The following FBXL19 variants were observed in gnomAD, a reference collection of about 807,000 sequenced individuals.
The protein encoded by FBXL19 is F-box and leucine rich repeat protein 19, also known as F-box/LRR-repeat protein 19.
A neutral mutation model predicts 71.2 loss-of-function variants in FBXL19; 16 were observed. The observed-to-expected ratio is 0.22, with a 90% CI of 0.15 to 0.34. FBXL19 has a LOEUF of 0.34. FBXL19 is among the 10% of genes least tolerant of loss of function. The pLI, the probability that FBXL19 is intolerant of heterozygous loss-of-function variation, is 1.00. For synonymous variants in FBXL19, 447 were observed against 409.4 expected, an observed-to-expected ratio of 1.09 and a Z score of -1.11; for missense variants, 658 against 968.2, an observed-to-expected ratio of 0.68 and a Z score of 4.25.
At chr16:30,935,355 G>A (rs1378742847) in intron 7 of FBXL19, among the ~76,000 whole-genome samples, 1 of 152,224 alleles carries the variant, frequency 6.6e-6, no homozygotes, top group Non-Finnish European at 1.5e-5. Flanking sequence ...GGAGAGGCGT[G>A]TGTAGGGGAC....
chr16:30,927,547 C>T (rs1238023232), intron 3 of FBXL19, 26 bp from the exon 4 acceptor site: 1 of 1,554,760 alleles, frequency 6.4e-7, no homozygotes, highest in Non-Finnish European at 8.7e-7. Flanking sequence ...TGGCCAACCC[C>T]CCACTCACTG....
intron 7 of FBXL19, among the ~76,000 whole-genome samples, chr16:30,937,575 T>A (rs532673188): frequency 1.3e-5 from 2 of 152,120 alleles, no homozygotes; most frequent in South Asian, 4.1e-4. Flanking sequence ...TTAACCCCAG[T>A]GTCCTGGTTG....
intron 7 of FBXL19, among the ~76,000 whole-genome samples, chr16:30,935,255 C>T (rs559785790): frequency 7.2e-5 from 11 of 152,090 alleles, no homozygotes; most frequent in African/African-American, 1.9e-4. Context: ...TGGCACCTGG[C>T]GGACAGTGGG....
At position 30,925,630 on chromosome 16, in the gene FBXL19, G is replaced by A. The variant is rs887533897; in HGVS notation, c.-24-101G>A. On this transcript the variant is annotated intron_variant, in intron 1 of 10. Coordinates refer to ENST00000338343, the MANE Select transcript of FBXL19 (RefSeq NM_001382779.1). This position sits in a 1 kb window ranked among gnomAD's most constrained non-coding sequence, Gnocchi z 5.0. ...GTGACCTCCTTGTCCCCCTGAGGAA[G>A]AGGGCAGGCTCTAGCTGCCTGTAGG... 3 of 1,270,196 alleles carry A rather than the reference G, an allele frequency of 2.4e-6. No homozygotes were observed. In the African/African-American group the frequency reaches 4.8e-5, roughly 20 times the overall value. The allele number at this position is 1,270,196 out of a possible 1,614,324, so 78.7% of individuals were successfully genotyped here.
chr16:30,939,861 G>T (rs1294388751), intron 7 of FBXL19, among the ~76,000 whole-genome samples: 1 of 152,092 alleles, frequency 6.6e-6, no homozygotes, highest in Non-Finnish European at 1.5e-5. Flanking sequence ...AGTCATGAGG[G>T]CAGGGAGGGA....
Position 30,947,185 on chromosome 16 carries a change from C to A in FBXL19, c.1980C>A (p.Gly660=). 1.3e-6 allele frequency: 2 copies of A among 1,599,020 alleles called. No individual in the cohort carries two copies. Among genetic ancestry groups the A allele is most frequent in the Non-Finnish European group, 1.7e-6 (2 of 1,179,356 alleles). ...GGCTGGCAGCTGCCGGGCCCCCTGG[C>A]CCCTTCCGCTGCCCTGAGGAGAAGC... The part of the protein sequence containing the change: ...CARLAAAGPP[G]PFRCPEEKLL... The change falls in exon 11 of 11, where the codon GGC becomes GGA. Residue 660 remains glycine, a synonymous_variant. Coordinates refer to ENST00000338343, the MANE Select transcript of FBXL19 (RefSeq NM_001382779.1).
intron 5 of FBXL19, among the ~76,000 whole-genome samples, 183 bp downstream of exon 5, chr16:30,928,146 G>T (rs1194250372): frequency 6.6e-6 from 1 of 151,730 alleles, no homozygotes; most frequent in Non-Finnish European, 1.5e-5. Context: ...TGGAGGAGGG[G>T]GGGGACAGGT....
chr16:30,930,288 G>T lies in FBXL19; in HGVS notation c.1005G>T (p.Arg335=). The change falls in exon 7 of 11, where the codon CGG becomes CGT. Residue 335 remains arginine, a synonymous_variant. Coordinates refer to ENST00000338343, the MANE Select transcript of FBXL19 (RefSeq NM_001382779.1). The surrounding 1 kb of genome is among the most constrained non-coding windows in gnomAD (Gnocchi z 8.5). ...EAPGEARNGR[R]PARGSSGEKE... ...CCGGCGAGGCCCGGAATGGGCGACG[G>T]CCAGCCCGGGGCAGCTCTGGCGAGA... The T allele has an allele frequency of 4.3e-6, 7 of 1,612,100 alleles. No individual in the cohort carries two copies. The highest frequency in any genetic ancestry group is 5.9e-6 in the Non-Finnish European group (7 of 1,179,468).
chr16:30,927,039 T>C (rs1322947141), intron 2 of FBXL19, among the ~76,000 whole-genome samples: 2 of 152,198 alleles, frequency 1.3e-5, no homozygotes, highest in Non-Finnish European at 1.5e-5. Context: ...CAGCTACATA[T>C]CAGTGTCTCT....
intron 7 of FBXL19, among the ~76,000 whole-genome samples, chr16:30,938,026 G>GT (rs1346755414): frequency 1.3e-5 from 2 of 152,100 alleles, no homozygotes; most frequent in East Asian, 1.9e-4. Flanking sequence ...GCATGAGTTG[G>GT]TTTTTTTCCT....
rs1007582156 is a variant in FBXL19 at position 30,923,957 on chromosome 16, CG to C, written c.-524del. Reference sequence around the variant, plus strand: ...CAGGTTACAGCGACCCCCCCCTCCCCGGGAACCGGCGGTGGGCGGGCTTGAA... The same window carrying C: ...CAGGTTACAGCGACCCCCCCCTCCCCGGAACCGGCGGTGGGCGGGCTTGAA... On this transcript the variant is annotated 5_prime_UTR_variant, in exon 1 of 11. Coordinates refer to ENST00000338343, the MANE Select transcript of FBXL19 (RefSeq NM_001382779.1). 6.7e-6 allele frequency: 1 copy of C among 149,972 alleles called. No homozygotes were observed. Among genetic ancestry groups the C allele is most frequent in the Non-Finnish European group, 1.5e-5 (1 of 67,300 alleles). 9.3% of individuals were successfully genotyped at this position (149,972 alleles called of 1,614,324 possible). A position where few individuals can be genotyped will look rare whatever the true frequency, so the allele number is the denominator to read the frequency against.
At position 30,924,651 on chromosome 16, in the gene FBXL19, C is replaced by T. The variant is rs939072734; in HGVS notation, c.-25+192C>T. 4 of 1,401,028 alleles carry T rather than the reference C, an allele frequency of 2.9e-6. No homozygotes were observed. The African/African-American group carries it at 4.5e-5, about 16-fold the overall frequency. 86.8% of individuals were successfully genotyped at this position (1,401,028 alleles called of 1,614,324 possible). A position where few individuals can be genotyped will look rare whatever the true frequency, so the allele number is the denominator to read the frequency against. On this transcript the variant is annotated intron_variant, in intron 1 of 10. Coordinates refer to ENST00000338343, the MANE Select transcript of FBXL19 (RefSeq NM_001382779.1). Reference sequence around the variant, plus strand: ...CCCTCCTTCCTAGACCCTGCTTCCCCTTGAAAGCCCCCACCCCCGCCTGCA... The same window carrying T: ...CCCTCCTTCCTAGACCCTGCTTCCCTTTGAAAGCCCCCACCCCCGCCTGCA...
At chr16:30,938,754 A>G (rs2055765646) in intron 7 of FBXL19, among the ~76,000 whole-genome samples, 1 of 151,860 alleles carries the variant, frequency 6.6e-6, no homozygotes, top group South Asian at 2.1e-4. Flanking sequence ...CTCCTGCCTC[A>G]GCCTCCTGAG....
Position 30,942,595 on chromosome 16 carries a change from T to A in FBXL19, c.1627+59T>A. On this transcript the variant is annotated intron_variant, in intron 9 of 10. Transcript: ENST00000338343. The surrounding 1 kb of genome is among the most constrained non-coding windows in gnomAD (Gnocchi z 5.7). The stretch of plus-strand genomic sequence containing the variant: ...CTGGGCAAGGGTAGGGTAGGAGGCC[T>A]CTCAGGTCTCTTCTGACTCATGCTG... 6.7e-7 allele frequency: 1 copy of A among 1,487,122 alleles called. No individual in the cohort carries two copies. The highest frequency in any genetic ancestry group is 2.3e-5 in the Admixed American group (1 of 44,430). The allele number at this position is 1,487,122 out of a possible 1,614,324, so 92.1% of individuals were successfully genotyped here.
Position 30,946,529 on chromosome 16 carries a change from A to G in FBXL19, c.1628-201A>G, listed in dbSNP as rs1415681625. ...AGAATATTGTAGTCTCAAATACAAT[A>G]ATCATGGAAGGCCTCCGAGGAGGTG... On this transcript the variant is annotated intron_variant, in intron 9 of 10. Transcript: ENST00000338343. The surrounding 1 kb of genome is among the most constrained non-coding windows in gnomAD (Gnocchi z 6.7). Among the ~76,000 whole-genome samples the G allele has an allele frequency of 6.6e-6, 1 of 152,202 alleles. No homozygotes were observed. Among genetic ancestry groups the G allele is most frequent in the Non-Finnish European group, 1.5e-5 (1 of 68,030 alleles).
chr16:30,928,144 G>T (rs140284574), intron 5 of FBXL19, among the ~76,000 whole-genome samples, 181 bp downstream of exon 5: 42 of 151,828 alleles, frequency 2.8e-4, no homozygotes, highest in African/African-American at 7.5e-4. Flanking sequence ...TGTGGAGGAG[G>T]GGGGGGACAG....
Position 30,927,951 on chromosome 16 carries a change from C to CCCAAGGAAAAAGGTGAG in FBXL19, c.619_627+8dup. 1 of 1,525,788 alleles carries CCCAAGGAAAAAGGTGAG rather than the reference C, an allele frequency of 6.6e-7. No homozygotes were observed. The highest frequency in any genetic ancestry group is 8.7e-7 in the Non-Finnish European group (1 of 1,144,522). The allele number at this position is 1,525,788 out of a possible 1,614,324, so 94.5% of individuals were successfully genotyped here. On this transcript the variant is annotated frameshift_variant, in exon 5 of 11. Coordinates refer to ENST00000338343, the MANE Select transcript of FBXL19 (RefSeq NM_001382779.1). LOFTEE classifies it high-confidence loss of function. ...GGGAGGCAGGGAATGAGCCTCCCAC[C>CCCAAGGAAAAAGGTGAG]CCAAGGAAAAAGGTGAGCCACGGAG...
At chr16:30,945,865 A>G in intron 9 of FBXL19, among the ~76,000 whole-genome samples, 4 of 136,832 alleles carry the variant, frequency 2.9e-5, no homozygotes, top group Admixed American at 7.8e-5. Flanking sequence ...AAAAAAAAAA[A>G]AAAAAAAAGG....
rs768420902 is a variant in FBXL19, at chr16:30,930,234, G to A, written c.951G>A (p.Ser317=). ...SSDSDSDSDS[S]GTSLSEDEAP... is the part of the protein sequence containing the mutation. ...ACTCAGACTCCGACTCCGACTCTTC[G>A]GGCACATCGCTGAGTGAGGACGAAG... Residue 317 remains serine, a synonymous_variant, in exon 7 of 11, where the codon TCG becomes TCA. Transcript: ENST00000338343. The surrounding 1 kb of genome is among the most constrained non-coding windows in gnomAD (Gnocchi z 8.5). 1.1e-5 allele frequency: 17 copies of A among 1,612,878 alleles called. No homozygotes were observed. Among genetic ancestry groups the A allele is most frequent in the East Asian group, 2.2e-5 (1 of 44,890 alleles).
Sources: allele counts gnomAD v4.1 joint callset (sites outside exome capture counted in the v4.1 genomes callset), GRCh38; gene constraint gnomAD v4.1.1; non-coding constraint Gnocchi (gnomAD v3.1); transcripts MANE v1.5; gene names NCBI Gene and HGNC (gene_info 2026-07-23, HGNC 2026-07-21).